GOLGA6L22: variants seen among roughly 807,000 people sequenced by gnomAD.
GOLGA6L22 encodes golgin subfamily A member 6-like protein 22.
Under a neutral mutation model 77.1 loss-of-function variants are expected in GOLGA6L22, and 28 were observed. That is an observed-to-expected ratio of 0.36 (90% CI 0.27 to 0.50). The LOEUF (loss-of-function observed/expected upper bound fraction) is 0.50. GOLGA6L22 is among the 20% of genes least tolerant of loss of function. The pLI is 0.97. For synonymous variants in GOLGA6L22, 62 were observed against 185.3 expected (o/e 0.33, Z 5.41); for missense variants, 250 against 620.4 (o/e 0.40, Z 6.34).
intron 5 of GOLGA6L22, among the ~76,000 whole-genome samples, chr15:22,462,906 G>A (rs1303686396): frequency 8.4e-6 from 1 of 119,352 alleles, no homozygotes; most frequent in East Asian, 2.0e-4. Context: ...TCAGGATAGA[G>A]GCACAGTGTT....
At chr15:22,463,260 T>G (rs1449275827) in intron 5 of GOLGA6L22, among the ~76,000 whole-genome samples, 5 of 149,760 alleles carry the variant, frequency 3.3e-5, no homozygotes, top group African/African-American at 1.2e-4. Context: ...CTAACAGTAA[T>G]AGCAATAACA....
At chr15:22,459,011 A>T (rs1453486909), upstream of GOLGA6L22, 560 of 106,662 alleles carry the variant, frequency 5.3e-3, 6 homozygotes, top group East Asian at 0.016. Context: ...TGTGGCCCCA[A>T]CCCCACCTCC....
chr15:22,466,518 T>G (rs1270017938), exon 8 of GOLGA6L22: 1 of 1,201,332 alleles, frequency 8.3e-7, no homozygotes, highest in African/African-American at 2.0e-5. Flanking sequence ...GAGGAGATGA[T>G]GCAGGAACAG....
At chr15:22,463,247 G>A (rs1212695311) in intron 5 of GOLGA6L22, among the ~76,000 whole-genome samples, 6 of 149,270 alleles carry the variant, frequency 4.0e-5, no homozygotes, top group South Asian at 2.1e-4. Context: ...AACAGTGGTA[G>A]TACTAACAGT....
exon 9 of GOLGA6L22, chr15:22,469,067 T>A (rs1887783055): frequency 7.9e-6 from 1 of 127,274 alleles, no homozygotes; most frequent in Non-Finnish European, 1.6e-5. Context: ...GGTACTGGAT[T>A]CTGGCCGCCC....
rs768344604 is a variant in GOLGA6L22 at position 22,466,478 on chromosome 15, C to T, written c.2086C>T (p.Arg696Trp). 8.3e-5 allele frequency: 53 copies of T among 640,290 alleles called. 4 individuals carry two copies. The highest frequency in any genetic ancestry group is 3.5e-4 in the South Asian group (21 of 60,454). 39.7% of individuals were successfully genotyped at this position (640,290 alleles called of 1,614,324 possible). A position where few individuals can be genotyped will look rare whatever the true frequency, so the allele number is the denominator to read the frequency against. ...GATAAGGGAGCAGGAGAAGAAGATA[C>T]GGGAGCAGGAGGAGAAGATACGAGA... The change falls in exon 8 of 9, where the codon CGG (arginine) becomes TGG (tryptophan). Residue 696 changes from arginine (R) to tryptophan (W), a missense_variant. Transcript: ENST00000622895.
chr15:22,463,437 C>A (rs1325319719), intron 5 of GOLGA6L22, among the ~76,000 whole-genome samples: 1 of 137,282 alleles, frequency 7.3e-6, no homozygotes, highest in Non-Finnish European at 1.6e-5. Flanking sequence ...GGATCACCTG[C>A]GGTCAGGAGT....
intron 5 of GOLGA6L22, among the ~76,000 whole-genome samples, chr15:22,463,261 A>G (rs1355267792): frequency 6.7e-6 from 1 of 149,706 alleles, no homozygotes; most frequent in Non-Finnish European, 1.5e-5. Context: ...TAACAGTAAT[A>G]GCAATAACAA....
chr15:22,466,151 CAGG>C lies in GOLGA6L22; in HGVS notation c.1765_1767del (p.Glu589del), dbSNP rs1415562930. On this transcript the variant is annotated inframe_deletion, in exon 8 of 9. Transcript: ENST00000622895. ...GGAGCAGGAGGAGAAGATACGAGAG[CAGG>C]AGGAGATGATGCAGGAACAGGAAGA... is the stretch of plus-strand genomic sequence containing the variant. 5 of 914,598 alleles carry C rather than the reference CAGG, an allele frequency of 5.5e-6. 1 individual carries two copies. In the East Asian group the frequency reaches 1.4e-4, roughly 25 times the overall value. 56.7% of individuals were successfully genotyped at this position (914,598 alleles called of 1,614,324 possible). A position where few individuals can be genotyped will look rare whatever the true frequency, so the allele number is the denominator to read the frequency against.
rs28971741 is a variant in GOLGA6L22, at chr15:22,465,866, C to G, written c.1474C>G (p.Gln492Glu). 1.1e-5 allele frequency: 15 copies of G among 1,390,284 alleles called. 4 individuals carry two copies. The South Asian group carries it at 2.0e-4, about 19-fold the overall frequency. The allele number at this position is 1,390,284 out of a possible 1,614,324, so 86.1% of individuals were successfully genotyped here. Residue 492 changes from glutamine to glutamate, a missense_variant, in exon 8 of 9, where the codon CAG becomes GAG. Transcript: ENST00000622895. The stretch of plus-strand genomic sequence containing the variant: ...GGAGCAGGAGGAGAAGATACGGGAG[C>G]AGGAGGAGATGTGGAGGGAGGAAGA...
At chr15:22,466,340 G>A (rs1887718248) in exon 8 of GOLGA6L22, 1 of 1,297,724 alleles carries the variant, frequency 7.7e-7, no homozygotes, top group South Asian at 1.4e-5. Flanking sequence ...ACGAGAGCAG[G>A]AGGAGATGAT....
exon 8 of GOLGA6L22, chr15:22,466,539 T>C: frequency 7.4e-7 from 1 of 1,348,590 alleles, no homozygotes; most frequent in Admixed American, 2.2e-5. Flanking sequence ...GAAGAGAAGA[T>C]GGGGGAGCAG....
At position 22,466,332 on chromosome 15, in the gene GOLGA6L22, G is replaced by A. The variant is rs561555700; in HGVS notation, c.1940G>A (p.Arg647Gln). ...ATATGGGAGCAGGAGGAGAAGATAC[G>A]AGAGCAGGAGGAGATGATGCAGGAA... Residue 647 changes from arginine (R) to glutamine (Q), a missense_variant, in exon 8 of 9, where the codon CGA becomes CAA. Transcript: ENST00000622895. 1.2e-5 allele frequency: 15 copies of A among 1,243,038 alleles called. 2 individuals carry two copies. The African/African-American group carries it at 1.3e-4, about 11-fold the overall frequency. The allele number at this position is 1,243,038 out of a possible 1,614,324, so 77.0% of individuals were successfully genotyped here.
Position 22,466,923 on chromosome 15 carries a change from C to T in GOLGA6L22, c.*98C>T. 5 of 402,968 alleles carry T rather than the reference C, an allele frequency of 1.2e-5. No individual in the cohort carries two copies. In the East Asian group the frequency reaches 1.7e-4, roughly 14 times the overall value. 25.0% of individuals were successfully genotyped at this position (402,968 alleles called of 1,614,324 possible). A position where few individuals can be genotyped will look rare whatever the true frequency, so the allele number is the denominator to read the frequency against. ...GGAGGTGTGTGCAAACCCTGGAGAT[C>T]ATACAGAACGACCTCACCACAACTT... On this transcript the variant is annotated intron_variant, in intron 8 of 8. Transcript: ENST00000622895.
intron 2 of GOLGA6L22, 39 bp from the exon 3 acceptor site, chr15:22,461,995 C>A (rs1303626435): frequency 4.1e-6 from 6 of 1,470,606 alleles, no homozygotes; most frequent in Non-Finnish European, 5.4e-6. Flanking sequence ...TGGATCTCTG[C>A]CTACCCCTAG....
At chr15:22,466,298 G>C in exon 8 of GOLGA6L22, 1 of 1,138,748 alleles carries the variant, frequency 8.8e-7, no homozygotes, top group Non-Finnish European at 1.2e-6. Context: ...ACGAGAGCAG[G>C]AGGAGAAGAT....
Position 22,465,795 on chromosome 15 carries a change from A to T in GOLGA6L22, c.1403A>T (p.Lys468Ile), listed in dbSNP as rs113459722. Residue 468 changes from lysine (K) to isoleucine (I), a missense_variant, in exon 8 of 9, where the codon AAA (lysine) becomes ATA (isoleucine). By Grantham distance (102) the Lys-to-Ile change is moderately radical. Transcript: ENST00000622895. ...GAGAAGATACGGGAGCAGGAGAAGAAACGGGAGCAGGAGGAGAAGATGTGG... is the reference window on the plus strand; with the variant it reads ...GAGAAGATACGGGAGCAGGAGAAGATACGGGAGCAGGAGGAGAAGATGTGG... 7,178 of 1,269,960 alleles carry T rather than the reference A, an allele frequency of 5.7e-3. 1,026 individuals are homozygous for T. In the African/African-American group the frequency reaches 0.12, roughly 21 times the overall value. 78.7% of individuals were successfully genotyped at this position (1,269,960 alleles called of 1,614,324 possible).
chr15:22,466,418 G>A, exon 8 of GOLGA6L22: 1 of 1,355,174 alleles, frequency 7.4e-7, no homozygotes, highest in South Asian at 1.3e-5. Flanking sequence ...GAAGATGCAA[G>A]AACAGGAGGA....
chr15:22,466,440 G>GGCAGGAGGAGAAGATGTGGGA, exon 8 of GOLGA6L22: 1 of 1,045,128 alleles, frequency 9.6e-7, no homozygotes, highest in Non-Finnish European at 1.3e-6. Flanking sequence ...AAGATGCGGA[G>GGCAGGAGGAGAAGATGTGGGA]GCAGGAGGAG....
Sources: allele counts gnomAD v4.1 joint callset (sites outside exome capture counted in the v4.1 genomes callset), GRCh38; gene constraint gnomAD v4.1.1; transcripts MANE v1.5; gene names NCBI Gene and HGNC (gene_info 2026-07-23, HGNC 2026-07-21).